Variants in DPYD observed in about 807,000 individuals in gnomAD.
DPYD encodes dihydropyrimidine dehydrogenase.
DPYD carries 109 observed loss-of-function variants against 116.2 expected under a neutral mutation model. That is an observed-to-expected ratio of 0.94 (90% CI 0.80 to 1.10). The LOEUF (loss-of-function observed/expected upper bound fraction) is 1.10. DPYD is among the 50% of genes least tolerant of loss of function. DPYD has a pLI of 0.00. For synonymous variants in DPYD, 440 were observed against 432.0 expected (o/e 1.02, Z -0.23); for missense variants, 1,302 against 1,254.5 (o/e 1.04, Z -0.57).
At chr1:97,542,523 T>C (rs1650522609) in intron 12 of DPYD, among the ~76,000 whole-genome samples, 1 of 152,182 alleles carries the variant, frequency 6.6e-6, no homozygotes, top group African/African-American at 2.4e-5. Flanking sequence ...ATTTTTCTTA[T>C]TCTTTTTAAA....
intron 14 of DPYD, among the ~76,000 whole-genome samples, chr1:97,440,360 T>C (rs185562159): frequency 9.5e-4 from 145 of 152,204 alleles, no homozygotes; most frequent in African/African-American, 3.4e-3. Flanking sequence ...AATGGTTAGG[T>C]TTAACTCTTA....
chr1:97,368,924 G>A (rs1400302178), intron 16 of DPYD, among the ~76,000 whole-genome samples: 2 of 152,152 alleles, frequency 1.3e-5, no homozygotes, highest in Non-Finnish European at 2.9e-5. Context: ...AGAAATAATA[G>A]GATTTTTTTG....
intron 8 of DPYD, among the ~76,000 whole-genome samples, chr1:97,626,337 TATAA>T (rs1656926297): frequency 1.3e-5 from 2 of 152,054 alleles, no homozygotes; most frequent in African/African-American, 4.8e-5. Flanking sequence ...AGAAAATTCA[TATAA>T]ATATTCAGTT....
At chr1:97,402,362 T>C (rs945150838) in intron 14 of DPYD, among the ~76,000 whole-genome samples, 2 of 152,156 alleles carry the variant, frequency 1.3e-5, no homozygotes, top group Non-Finnish European at 2.9e-5. Flanking sequence ...CACCTAAGTA[T>C]TTCATTTGTT....
intron 12 of DPYD, among the ~76,000 whole-genome samples, chr1:97,540,786 A>G (rs1650395651): frequency 6.6e-6 from 1 of 152,122 alleles, no homozygotes; most frequent in South Asian, 2.1e-4. Flanking sequence ...TCTGGTGACT[A>G]GCCCCTATCC....
rs1159752306 is a variant in DPYD at position 97,546,384 on chromosome 1, A to C, written c.1524+3176T>G. On this transcript the variant is annotated intron_variant, in intron 12 of 22. Transcript: ENST00000370192. ...CTGCAGTAAAGGAAGATGAAGAAGA[A>C]GTTTCAGATAAGGGCAGTGATTCTG... 6 of 1,461,578 alleles carry C rather than the reference A, an allele frequency of 4.1e-6. No homozygotes were observed. In the Admixed American group the frequency reaches 1.0e-4, roughly 24 times the overall value. The allele number at this position is 1,461,578 out of a possible 1,614,324, so 90.5% of individuals were successfully genotyped here.
intron 8 of DPYD, among the ~76,000 whole-genome samples, chr1:97,668,232 T>A (rs958568882): frequency 6.6e-6 from 1 of 152,136 alleles, no homozygotes; most frequent in Non-Finnish European, 1.5e-5. Flanking sequence ...AAATAAATTT[T>A]AAAAAATGAT....
intron 16 of DPYD, among the ~76,000 whole-genome samples, chr1:97,355,395 G>A (rs987802540): frequency 1.3e-5 from 2 of 151,974 alleles, no homozygotes; most frequent in Non-Finnish European, 2.9e-5. Flanking sequence ...TACTTTTTGT[G>A]GTGAGAACAT....
intron 2 of DPYD, among the ~76,000 whole-genome samples, chr1:97,863,030 AT>A (rs955681640): frequency 6.6e-6 from 1 of 151,930 alleles, no homozygotes; most frequent in Non-Finnish European, 1.5e-5. Context: ...TGTAATCATT[AT>A]TTTTTTAATC....
intron 1 of DPYD, among the ~76,000 whole-genome samples, chr1:97,916,233 G>A (rs1331552727): frequency 6.6e-6 from 1 of 151,862 alleles, no homozygotes; most frequent in South Asian, 2.1e-4. Context: ...TGTGTACAAC[G>A]TGCAGGTTAG....
intron 20 of DPYD, among the ~76,000 whole-genome samples, chr1:97,160,762 C>T (rs1269685578): frequency 6.6e-6 from 1 of 152,110 alleles, no homozygotes; most frequent in African/African-American, 2.4e-5. Flanking sequence ...AGAGACTGTA[C>T]TATGACTGGG....
chr1:97,756,983 C>G (rs1259756237), intron 3 of DPYD, among the ~76,000 whole-genome samples: 1 of 152,122 alleles, frequency 6.6e-6, no homozygotes, highest in African/African-American at 2.4e-5. Flanking sequence ...AACTACCCCC[C>G]ACTCCTCCTA....
chr1:97,614,176 C>T (rs1656125814), intron 8 of DPYD, among the ~76,000 whole-genome samples: 1 of 151,332 alleles, frequency 6.6e-6, no homozygotes, highest in African/African-American at 2.4e-5. Context: ...AAACAGAATC[C>T]CTACAAAAAA....
chr1:97,504,321 T>C (rs752371407), intron 13 of DPYD, among the ~76,000 whole-genome samples: 2 of 151,968 alleles, frequency 1.3e-5, no homozygotes, highest in Non-Finnish European at 2.9e-5. Flanking sequence ...CTAAAAGAGA[T>C]GCAACTGTAC....
At chr1:97,879,719 G>A (rs1332268917) in intron 2 of DPYD, among the ~76,000 whole-genome samples, 1 of 151,750 alleles carries the variant, frequency 6.6e-6, no homozygotes, top group African/African-American at 2.4e-5. Context: ...ACTTTTACCG[G>A]TCAAACACAT....
At position 97,723,706 on chromosome 1, in the gene DPYD, G is replaced by A. The variant is rs80056287; in HGVS notation, c.322-2035C>T. On this transcript the variant is annotated intron_variant, in intron 4 of 22. Transcript: ENST00000370192. ...TACCACTGTGTTTGTCAGAGTCTTC[G>A]GTAGTGTCTCTAAAAGAGGTTAATA... Among the ~76,000 whole-genome samples the A allele has an allele frequency of 1.2e-3, 179 of 151,518 alleles. 1 individual carries two copies. Among genetic ancestry groups the A allele is most frequent in the East Asian group, 1.4e-3 (7 of 5,168 alleles).
intron 20 of DPYD, among the ~76,000 whole-genome samples, chr1:97,115,813 A>G (rs1651924448): frequency 6.6e-6 from 1 of 152,184 alleles, no homozygotes; most frequent in Admixed American, 6.5e-5. Flanking sequence ...TGCATATGTA[A>G]TGACTACACA....
chr1:97,722,296 A>G (rs1662967559), intron 4 of DPYD, among the ~76,000 whole-genome samples: 1 of 151,620 alleles, frequency 6.6e-6, no homozygotes, highest in Non-Finnish European at 1.5e-5. Context: ...AGACAAGAGA[A>G]GCCTAAGGAC....
In DPYD at chr1:97,732,052, T is replaced by TG. The variant is rs1465210315; in HGVS notation, c.321+8339dup. On this transcript the variant is annotated intron_variant, in intron 4 of 22. Transcript: ENST00000370192. ...TTCTCATTTATACTAACATGACTCT[T>TG]GGACTTATAGTTGTTTACATTTTAT... Among the ~76,000 whole-genome samples, 47 of 152,322 alleles carry TG rather than the reference T, an allele frequency of 3.1e-4. No individual in the cohort carries two copies. The East Asian group carries it at 3.3e-3, about 11-fold the overall frequency.
Sources: gnomAD v4.1 joint callset for allele counts (sites outside exome capture counted in the v4.1 genomes callset) on GRCh38, gnomAD v4.1.1 for gene constraint, MANE v1.5 for transcripts, NCBI Gene and HGNC (gene_info 2026-07-23, HGNC 2026-07-21) for gene names.